KLHL8: variants seen among roughly 807,000 people sequenced by gnomAD.
The protein encoded by KLHL8 is kelch-like protein 8.
KLHL8 carries 38 observed loss-of-function variants against 63.5 expected under a neutral mutation model. The observed-to-expected ratio is 0.60, with a 90% CI of 0.46 to 0.78. KLHL8 has a LOEUF of 0.78. Ranked by LOEUF, KLHL8 falls within the 30% of genes least tolerant of loss-of-function variation. The pLI is 0.00. For missense variants in KLHL8, 566 were observed against 752.4 expected, an observed-to-expected ratio of 0.75 and a Z score of 2.90; for synonymous variants, 224 against 254.3, an observed-to-expected ratio of 0.88 and a Z score of 1.13.
chr4:87,180,633 T>A (rs549794653), intron 4 of KLHL8, among the ~76,000 whole-genome samples: 1 of 152,206 alleles, frequency 6.6e-6, no homozygotes, highest in Non-Finnish European at 1.5e-5. Flanking sequence ...ACCCAGAGCC[T>A]TTCACATGGT....
chr4:87,234,124 T>C (rs1194147736), intron 1 of KLHL8, among the ~76,000 whole-genome samples: 2 of 152,182 alleles, frequency 1.3e-5, no homozygotes, highest in Admixed American at 6.6e-5. Flanking sequence ...AAGGACTGCA[T>C]GTATGGGTGG....
intron 4 of KLHL8, among the ~76,000 whole-genome samples, chr4:87,179,366 G>A (rs542928541): frequency 4.7e-4 from 72 of 152,176 alleles, no homozygotes; most frequent in African/African-American, 1.7e-3. Flanking sequence ...CTGTCTTTTT[G>A]CTTTCAGATT....
At chr4:87,176,962 CCAT>C (rs780339603) in intron 5 of KLHL8, 94 bp from the exon 6 acceptor site, 7 of 615,726 alleles carry the variant, frequency 1.1e-5, no homozygotes, top group East Asian at 9.0e-5. Context: ...TAAAATATCA[CCAT>C]AAGTTAATTT....
At chr4:87,179,956 T>C (rs995036451) in intron 4 of KLHL8, among the ~76,000 whole-genome samples, 6 of 152,140 alleles carry the variant, frequency 3.9e-5, no homozygotes, top group East Asian at 1.9e-4. Flanking sequence ...GTCCAAGAAT[T>C]TGCATTTCTT....
rs529536857 is a variant in KLHL8 at position 87,170,167 on chromosome 4, A to T, written c.1449T>A (p.His483Gln). The T allele has an allele frequency of 2.0e-5, 32 of 1,613,846 alleles. No individual in the cohort carries two copies. The highest frequency in any genetic ancestry group is 2.3e-5 in the Non-Finnish European group (27 of 1,179,836). The change falls in exon 8 of 10, where the codon CAT becomes CAA. Residue 483 changes from histidine (H) to glutamine (Q), a missense_variant. Transcript: ENST00000273963. ...SLSSVERYDP[H>Q]LDKWIEVKEM... ...CTTTAACTTCTATCCACTTATCCAG[A>T]TGTGGATCATATCTCTCCACGCTAG...
intron 8 of KLHL8, 132 bp downstream of exon 8, chr4:87,169,947 A>G: frequency 3.1e-6 from 2 of 647,006 alleles, no homozygotes; most frequent in Non-Finnish European, 5.2e-6. Flanking sequence ...AAAATTTTGT[A>G]AGAAAGAATT....
intron 6 of KLHL8, among the ~76,000 whole-genome samples, chr4:87,173,724 T>C (rs891247696): frequency 6.6e-6 from 1 of 152,238 alleles, no homozygotes; most frequent in Non-Finnish European, 1.5e-5. Flanking sequence ...CTAGAGAAGT[T>C]TCATTCAATC....
intron 4 of KLHL8, among the ~76,000 whole-genome samples, chr4:87,181,359 A>T (rs1048815134): frequency 2.0e-5 from 3 of 151,960 alleles, no homozygotes; most frequent in African/African-American, 4.8e-5. Context: ...TGAGCTGAGA[A>T]AGCGCCACTG....
Position 87,195,373 on chromosome 4 carries a change from G to A in KLHL8, c.167C>T (p.Ser56Phe). 1 of 1,613,332 alleles carries A rather than the reference G, an allele frequency of 6.2e-7. No homozygotes were observed. Among genetic ancestry groups the A allele is most frequent in the Non-Finnish European group, 8.5e-7 (1 of 1,179,886 alleles). ...ANEAWKDFHGSLLRFYENGEL... is the reference protein window; with the variant it reads ...ANEAWKDFHGFLLRFYENGEL... Reference sequence around the variant, plus strand: ...TCCATTTTCATAAAATCGAAGAAGAGAACCATGAAAATCTTTCCAAGCTTC... The same window carrying A: ...TCCATTTTCATAAAATCGAAGAAGAAAACCATGAAAATCTTTCCAAGCTTC... The change falls in exon 2 of 10, where the codon TCT (serine) becomes TTT (phenylalanine). Residue 56 changes from serine to phenylalanine, a missense_variant. Physicochemically the swap from Ser to Phe is radical, Grantham distance 155. Coordinates refer to ENST00000273963, the MANE Select transcript of KLHL8 (RefSeq NM_020803.5).
At chr4:87,190,904 T>C (rs1731458906) in intron 2 of KLHL8, among the ~76,000 whole-genome samples, 1 of 152,160 alleles carries the variant, frequency 6.6e-6, no homozygotes, top group African/African-American at 2.4e-5. Context: ...AATGTCTAAA[T>C]ACAATTTTAA....
At position 87,163,875 on chromosome 4, in the gene KLHL8, T is replaced by G; in HGVS notation, c.1739+3A>C. ...TAAAGCACGGAGACAACATGTAAATTACCTATTCAGCACTGGATCAAACGC... is the reference window on the plus strand; with the variant it reads ...TAAAGCACGGAGACAACATGTAAATGACCTATTCAGCACTGGATCAAACGC... On this transcript the variant is annotated splice_donor_region_variant and intron_variant, in intron 9 of 9. Transcript: ENST00000273963. The G allele has an allele frequency of 6.2e-7, 1 of 1,612,792 alleles. No individual in the cohort carries two copies. Among genetic ancestry groups the G allele is most frequent in the Non-Finnish European group, 8.5e-7 (1 of 1,178,946 alleles).
chr4:87,185,480 T>C lies in KLHL8; in HGVS notation c.536A>G (p.His179Arg), dbSNP rs1731217616. The change falls in exon 3 of 10, where the codon CAC becomes CGC. Residue 179 changes from histidine to arginine, a missense_variant. Coordinates refer to ENST00000273963, the MANE Select transcript of KLHL8 (RefSeq NM_020803.5). ...CATGTCCATTAAGTCTATTCGATTG[T>C]GACTTTCTGCAAAGGCTCTTACTGC... Reference protein sequence around the residue: ...CLAVRAFAESHNRIDLMDMAD... With the variant: ...CLAVRAFAESRNRIDLMDMAD... The C allele has an allele frequency of 6.2e-7, 1 of 1,614,212 alleles. No homozygotes were observed. Among genetic ancestry groups the C allele is most frequent in the African/African-American group, 1.3e-5 (1 of 75,060 alleles).
intron 1 of KLHL8, chr4:87,219,741 G>C (rs919308475): frequency 1.3e-5 from 2 of 152,560 alleles, no homozygotes; most frequent in East Asian, 1.9e-4. Context: ...AACTCCACCG[G>C]GCGGCTGAGC....
intron 2 of KLHL8, 80 bp downstream of exon 2, chr4:87,195,244 G>T (rs1731647045): frequency 9.2e-7 from 1 of 1,084,666 alleles, no homozygotes; most frequent in Non-Finnish European, 1.3e-6. Flanking sequence ...AACAAAATTT[G>T]CCTTGTATGG....
rs147762134 is a variant in KLHL8 at position 87,227,438 on chromosome 4, G to A, written n.58-6048C>T. ...AAAGGAAGCTTGAGTCCAGGAGTTC[G>A]AGACCAGCCTGGAGAACACAGCAAG... On this transcript the variant is annotated intron_variant and non_coding_transcript_variant, in intron 1 of 1. Coordinates refer to the KLHL8 transcript ENST00000506274. 1.1e-3 allele frequency among the ~76,000 whole-genome samples: 160 copies of A among 152,194 alleles called. 1 individual carries two copies. Among genetic ancestry groups the A allele is most frequent in the African/African-American group, 3.6e-3 (150 of 41,524 alleles).
intron 3 of KLHL8, 100 bp downstream of exon 3, chr4:87,185,151 A>ATATTCC: frequency 8.7e-7 from 1 of 1,147,568 alleles, no homozygotes; most frequent in South Asian, 1.7e-5. Context: ...AATAATTTCT[A>ATATTCC]TATTCCTTGA....
intron 2 of KLHL8, among the ~76,000 whole-genome samples, chr4:87,188,115 T>C (rs1238312068): frequency 6.6e-6 from 1 of 152,216 alleles, no homozygotes; most frequent in Admixed American, 6.5e-5. Context: ...GTATTTAGAT[T>C]CCATTGAGAC....
intron 8 of KLHL8, among the ~76,000 whole-genome samples, chr4:87,164,871 G>A (rs992016755): frequency 7.9e-5 from 12 of 152,020 alleles, no homozygotes; most frequent in South Asian, 2.1e-4. Flanking sequence ...GTCAGAGGCC[G>A]GGCGCGGTGG....
At chr4:87,227,443 C>T (rs950237344) in intron 1 of KLHL8, among the ~76,000 whole-genome samples, 1 of 151,998 alleles carries the variant, frequency 6.6e-6, no homozygotes, top group African/African-American at 2.4e-5. Flanking sequence ...AGTTCGAGAC[C>T]AGCCTGGAGA....
Sources: allele counts gnomAD v4.1 joint callset (sites outside exome capture counted in the v4.1 genomes callset), GRCh38; gene constraint gnomAD v4.1.1; transcripts MANE v1.5; gene names NCBI Gene and HGNC (gene_info 2026-07-23, HGNC 2026-07-21).